FBXL4: variants seen among roughly 807,000 people sequenced by gnomAD.
FBXL4 encodes F-box and leucine rich repeat protein 4.
FBXL4 carries 40 observed loss-of-function variants against 58.9 expected under a neutral mutation model. The observed-to-expected ratio is 0.68, with a 90% confidence interval of 0.53 to 0.88. The LOEUF (loss-of-function observed/expected upper bound fraction) is 0.88. Among genes scored for constraint, FBXL4 ranks in the 40% least tolerant of loss-of-function variants. FBXL4 has a pLI of 0.00. For synonymous variants in FBXL4, 263 were observed against 265.5 expected (o/e 0.99, Z 0.09); for missense variants, 676 against 734.4 (o/e 0.92, Z 0.92).
At chr6:98,875,770 A>G (rs1325971839) in intron 8 of FBXL4, 43 bp from the exon 9 acceptor site, 1 of 1,572,658 alleles carries the variant, frequency 6.4e-7, no homozygotes, top group Non-Finnish European at 8.7e-7. Flanking sequence ...TTATGCTCAG[A>G]CATGCAAACT....
At chr6:98,929,828 C>G (rs942308187) in intron 2 of FBXL4, among the ~76,000 whole-genome samples, 1 of 152,092 alleles carries the variant, frequency 6.6e-6, no homozygotes, top group African/African-American at 2.4e-5. Flanking sequence ...AGCTTACTGG[C>G]CAGGAAACCC....
intron 5 of FBXL4, among the ~76,000 whole-genome samples, chr6:98,916,351 G>T (rs1301400113): frequency 2.6e-5 from 4 of 152,078 alleles, no homozygotes; most frequent in East Asian, 1.9e-4. Context: ...CATGCTGCTA[G>T]AAAGACACAT....
chr6:98,909,075 C>T (rs1026925750), intron 5 of FBXL4, among the ~76,000 whole-genome samples: 5 of 152,104 alleles, frequency 3.3e-5, no homozygotes, highest in African/African-American at 1.2e-4. Flanking sequence ...TTAAGGAAAA[C>T]CGATATTTTT....
chr6:98,902,570 C>A (rs1771654637), intron 6 of FBXL4, among the ~76,000 whole-genome samples: 2 of 151,848 alleles, frequency 1.3e-5, no homozygotes, highest in Admixed American at 1.3e-4. Flanking sequence ...TAGAACGCAT[C>A]CAAGAATGTT....
At chr6:98,880,175 A>G (rs754396702) in intron 8 of FBXL4, among the ~76,000 whole-genome samples, 1 of 152,160 alleles carries the variant, frequency 6.6e-6, no homozygotes, top group Non-Finnish European at 1.5e-5. Context: ...AAAGTATCTC[A>G]GGATTTAAAA....
At chr6:98,923,283 AAAAAATTTCCAC>A (rs796184284) in intron 4 of FBXL4, among the ~76,000 whole-genome samples, 139 of 152,234 alleles carry the variant, frequency 9.1e-4, no homozygotes, top group African/African-American at 3.3e-3. Context: ...TATCTTCATA[AAAAAATTTCCAC>A]AAAAATTTCC....
intron 9 of FBXL4, 23 bp downstream of exon 9, chr6:98,875,392 A>C (rs768877884): frequency 1.2e-6 from 2 of 1,610,442 alleles, no homozygotes; most frequent in African/African-American, 2.7e-5. Flanking sequence ...CATTTAAAAC[A>C]AATTTATATA....
intron 2 of FBXL4, among the ~76,000 whole-genome samples, chr6:98,930,842 T>G (rs1772986291): frequency 6.6e-6 from 1 of 152,168 alleles, no homozygotes; most frequent in African/African-American, 2.4e-5. Flanking sequence ...ACACTTTATT[T>G]CAAAATAGGG....
Position 98,875,522 on chromosome 6 carries a change from A to G in FBXL4, c.1595T>C (p.Leu532Pro). ...TGCFTRLAHQ[L>P]PNLQKLFLTA... ...AAGAAAGAGTTTTTGCAAGTTTGGGAGCTGGTGTGCCAGTCTGGTGAAGCA... is the reference window on the plus strand; with the variant it reads ...AAGAAAGAGTTTTTGCAAGTTTGGGGGCTGGTGTGCCAGTCTGGTGAAGCA... The change falls in exon 9 of 10, where the codon CTC (leucine) becomes CCC (proline). Residue 532 changes from leucine (L) to proline (P), a missense_variant. By Grantham distance (98) the Leu-to-Pro change is moderately conservative. Coordinates refer to ENST00000369244, the MANE Select transcript of FBXL4 (RefSeq NM_001278716.2). The G allele has an allele frequency of 6.2e-7, 1 of 1,614,152 alleles. No homozygotes were observed. Among genetic ancestry groups the G allele is most frequent in the Non-Finnish European group, 8.5e-7 (1 of 1,180,014 alleles).
Position 98,917,699 on chromosome 6 carries a change from T to C in FBXL4, c.533A>G (p.Glu178Gly). 1 of 1,602,478 alleles carries C rather than the reference T, an allele frequency of 6.2e-7. No homozygotes were observed. The highest frequency in any genetic ancestry group is 8.5e-7 in the Non-Finnish European group (1 of 1,175,472). The change falls in exon 5 of 10, where the codon GAG becomes GGG. Residue 178 changes from glutamate to glycine, a missense_variant. Physicochemically the swap from Glu to Gly is moderately conservative, Grantham distance 98. Transcript: ENST00000369244. ...GGAAGCATTCACCTTCGTAGGTCTC[T>C]CTGACCAAAGAATCTCCCATCTGCC... ...AEVRWEILWSERPTKVNASQA... is the reference protein window; with the variant it reads ...AEVRWEILWSGRPTKVNASQA...
At chr6:98,877,502 G>A (rs1770701139) in intron 8 of FBXL4, among the ~76,000 whole-genome samples, 1 of 152,068 alleles carries the variant, frequency 6.6e-6, no homozygotes, top group South Asian at 2.1e-4. Context: ...GCCAAATTCA[G>A]GGCTGGGAAA....
At chr6:98,892,454 T>C (rs533508301) in intron 7 of FBXL4, among the ~76,000 whole-genome samples, 1 of 152,320 alleles carries the variant, frequency 6.6e-6, no homozygotes, top group African/African-American at 2.4e-5. Context: ...ATGGCTCTTT[T>C]AAAAGAAAGC....
chr6:98,921,242 C>G (rs1772571517), intron 4 of FBXL4, among the ~76,000 whole-genome samples: 1 of 152,076 alleles, frequency 6.6e-6, no homozygotes, highest in South Asian at 2.1e-4. Context: ...CACTAAGAAA[C>G]TTTCTCCAGG....
In FBXL4 at chr6:98,905,623, T is replaced by C. The variant is rs746193063; in HGVS notation, c.906A>G (p.Arg302=). The C allele has an allele frequency of 1.8e-5, 29 of 1,613,798 alleles. No homozygotes were observed. Among genetic ancestry groups the C allele is most frequent in the Non-Finnish European group, 2.5e-5 (29 of 1,179,906 alleles). Residue 302 remains arginine, a synonymous_variant, in exon 6 of 10, where the codon AGA becomes AGG. Transcript: ENST00000369244. ...TCAGTAGTTTGCAAGTCTGTGCTAA[T>C]CTACACAGGTCTGGTAGTGTAAGAT... is the stretch of plus-strand genomic sequence containing the variant. ...LNHLTLPDLC[R]LAQTCKLLSQ...
At chr6:98,945,224 T>C (rs1417883604) in intron 1 of FBXL4, among the ~76,000 whole-genome samples, 1 of 152,178 alleles carries the variant, frequency 6.6e-6, no homozygotes, top group East Asian at 1.9e-4. Flanking sequence ...ATCCTTGCAG[T>C]TCTGTTTGTA....
At chr6:98,916,457 C>T (rs1398142245) in intron 5 of FBXL4, among the ~76,000 whole-genome samples, 2 of 151,066 alleles carry the variant, frequency 1.3e-5, no homozygotes, top group African/African-American at 4.9e-5. Context: ...GAAAATGTGG[C>T]ACATATACAC....
In FBXL4 at chr6:98,870,562, G is replaced by A. The variant is rs1770464800; in HGVS notation, c.*3716C>T. 1.3e-5 allele frequency: 2 copies of A among 152,176 alleles called. No individual in the cohort carries two copies. Among genetic ancestry groups the A allele is most frequent in the Admixed American group, 1.3e-4 (2 of 15,274 alleles). 9.4% of individuals were successfully genotyped at this position (152,176 alleles called of 1,614,324 possible). ...GCTACTTGGCACACTAAAAACTGCA[G>A]TAATGCAGTTACCAGCATTTTGAGT... On this transcript the variant is annotated 3_prime_UTR_variant, in exon 10 of 10. Coordinates refer to ENST00000369244, the MANE Select transcript of FBXL4 (RefSeq NM_001278716.2).
At chr6:98,876,681 CAG>C (rs1265229705) in intron 8 of FBXL4, among the ~76,000 whole-genome samples, 1 of 152,038 alleles carries the variant, frequency 6.6e-6, no homozygotes, top group East Asian at 1.9e-4. Flanking sequence ...AATAATAAAA[CAG>C]AGTGATGTGA....
intron 6 of FBXL4, 129 bp from the exon 7 acceptor site, chr6:98,899,610 TG>T: frequency 8.5e-7 from 1 of 1,170,940 alleles, no homozygotes. Flanking sequence ...ATGTAAAATT[TG>T]TTTTGCTTAA....
Sources: allele counts gnomAD v4.1 joint callset (sites outside exome capture counted in the v4.1 genomes callset), GRCh38; gene constraint gnomAD v4.1.1; transcripts MANE v1.5; gene names NCBI Gene and HGNC (gene_info 2026-07-23, HGNC 2026-07-21).